The following CDH2 variants were observed in gnomAD, a reference collection of about 807,000 sequenced individuals.
CDH2 encodes cadherin-2.
Under a neutral mutation model 92.0 loss-of-function variants are expected in CDH2, and 17 were observed. The ratio of observed to expected loss-of-function variants is 0.18; its 90% CI spans 0.13 to 0.28. CDH2 has a LOEUF of 0.28. Ranked by LOEUF, CDH2 falls within the 10% of genes least tolerant of loss-of-function variation. The pLI is 1.00. For missense variants in CDH2, 862 were observed against 1,133.1 expected (o/e 0.76, Z 3.44); for synonymous variants, 419 against 415.9 (o/e 1.01, Z -0.09).
chr18:28,034,013 ACTTTT>A lies in CDH2; in HGVS notation c.173-20109_173-20105del, dbSNP rs1262515027. Among the ~76,000 whole-genome samples the A allele has an allele frequency of 1.5e-4, 23 of 152,106 alleles. 1 individual carries two copies. The highest frequency in any genetic ancestry group is 5.1e-4 in the African/African-American group (21 of 41,450). ...ACTCTCGATTAGTCTGATATACTAT[ACTTTT>A]CTTTAAATTGGAAGAAATTACATTG... On this transcript the variant is annotated intron_variant, in intron 2 of 15. Coordinates refer to ENST00000269141, the MANE Select transcript of CDH2 (RefSeq NM_001792.5).
chr18:28,063,677 C>T (rs771511758), intron 2 of CDH2, among the ~76,000 whole-genome samples: 37 of 152,166 alleles, frequency 2.4e-4, no homozygotes, highest in African/African-American at 8.2e-4. Context: ...AGTTTGAACC[C>T]GGTAATGATC....
chr18:28,013,563 GT>G, intron 3 of CDH2, 119 bp downstream of exon 3: 2 of 722,546 alleles, frequency 2.8e-6, no homozygotes, highest in Non-Finnish European at 4.9e-6. Flanking sequence ...AATGACCAAA[GT>G]TGATACAAAT....
intron 2 of CDH2, among the ~76,000 whole-genome samples, chr18:28,092,012 G>A (rs1419716919): frequency 6.6e-6 from 1 of 151,732 alleles, no homozygotes; most frequent in Non-Finnish European, 1.5e-5. Context: ...TCTTTCCTCT[G>A]GGTATGCCTG....
intron 2 of CDH2, among the ~76,000 whole-genome samples, chr18:28,129,724 G>A (rs956109528): frequency 6.6e-6 from 1 of 152,126 alleles, no homozygotes; most frequent in African/African-American, 2.4e-5. Flanking sequence ...AGCTACTCAG[G>A]AGGCTGAGGC....
chr18:27,955,895 A>C (rs960356774), intron 15 of CDH2, among the ~76,000 whole-genome samples: 1 of 151,904 alleles, frequency 6.6e-6, no homozygotes, highest in South Asian at 2.1e-4. Flanking sequence ...GAACTTTTCA[A>C]GAGTTCTTAG....
At chr18:28,001,979 C>T (rs1369497227) in intron 7 of CDH2, among the ~76,000 whole-genome samples, 1 of 152,214 alleles carries the variant, frequency 6.6e-6, no homozygotes, top group Non-Finnish European at 1.5e-5. Flanking sequence ...ACAGTAAAAG[C>T]TGGCTCAGCC....
chr18:28,036,582 G>A, intron 2 of CDH2: 1 of 1,492,890 alleles, frequency 6.7e-7, no homozygotes, highest in Non-Finnish European at 9.3e-7. Context: ...AATTCCTTCT[G>A]CTTAGTGAAC....
chr18:28,152,011 CTTT>C (rs984588111), intron 1 of CDH2, among the ~76,000 whole-genome samples: 3 of 151,396 alleles, frequency 2.0e-5, no homozygotes, highest in Non-Finnish European at 4.4e-5. Context: ...TATTCTTCTT[CTTT>C]TTCTTGCTTA....
At chr18:28,041,028 T>C (rs952827554) in intron 2 of CDH2, among the ~76,000 whole-genome samples, 6 of 152,236 alleles carry the variant, frequency 3.9e-5, no homozygotes, top group Non-Finnish European at 7.3e-5. Flanking sequence ...AACATCACTC[T>C]GTGATTCCAA....
intron 5 of CDH2, among the ~76,000 whole-genome samples, chr18:28,007,917 A>G (rs1279786362): frequency 6.6e-6 from 1 of 152,046 alleles, no homozygotes; most frequent in Non-Finnish European, 1.5e-5. Context: ...TATTTTTAGT[A>G]TAGACAGGGT....
chr18:28,042,511 A>G (rs184739873), intron 2 of CDH2, among the ~76,000 whole-genome samples: 178 of 152,298 alleles, frequency 1.2e-3, no homozygotes, highest in African/African-American at 4.0e-3. Context: ...GAAAACAAGG[A>G]GACAAGTTGT....
At chr18:27,956,268 C>T (rs186707139) in intron 15 of CDH2, among the ~76,000 whole-genome samples, 53 of 152,282 alleles carry the variant, frequency 3.5e-4, no homozygotes, top group Non-Finnish European at 6.3e-4. Flanking sequence ...TCCTCTTGTT[C>T]CACCTTTCCT....
chr18:28,060,406 C>T (rs901453310), intron 2 of CDH2, among the ~76,000 whole-genome samples: 4 of 152,236 alleles, frequency 2.6e-5, no homozygotes, highest in Middle Eastern at 3.4e-3. Context: ...AGGCTGGTCT[C>T]GAGCTCCTGA....
At chr18:27,954,954 C>T (rs945041311) in intron 15 of CDH2, among the ~76,000 whole-genome samples, 14 of 152,214 alleles carry the variant, frequency 9.2e-5, no homozygotes, top group African/African-American at 3.4e-4. Context: ...CATTGTCTGA[C>T]TTGGGGTCAT....
intron 1 of CDH2, among the ~76,000 whole-genome samples, chr18:28,170,744 C>T (rs1272894477): frequency 6.6e-6 from 1 of 152,184 alleles, no homozygotes; most frequent in Non-Finnish European, 1.5e-5. Context: ...TTGTTCCCTA[C>T]AGCAGGGGTT....
At chr18:28,013,544 T>C (rs1323043554) in intron 3 of CDH2, 139 bp downstream of exon 3, 1 of 671,252 alleles carries the variant, frequency 1.5e-6, no homozygotes, top group East Asian at 2.5e-5. Context: ...CACAACAAAA[T>C]ATTATTAAAA....
chr18:28,039,165 C>G (rs971264663), intron 2 of CDH2, among the ~76,000 whole-genome samples: 1 of 152,144 alleles, frequency 6.6e-6, no homozygotes, highest in East Asian at 1.9e-4. Context: ...TCATTTCTCT[C>G]CTTTCCACAG....
chr18:27,977,074 T>C (rs1462172776), intron 14 of CDH2, among the ~76,000 whole-genome samples: 1 of 152,136 alleles, frequency 6.6e-6, no homozygotes, highest in Non-Finnish European at 1.5e-5. Context: ...ATGAGGGTAA[T>C]TAAACATGCC....
At chr18:28,083,069 G>T (rs978596343) in intron 2 of CDH2, among the ~76,000 whole-genome samples, 1 of 152,172 alleles carries the variant, frequency 6.6e-6, no homozygotes, top group Non-Finnish European at 1.5e-5. Flanking sequence ...CTTCCTAGGG[G>T]AGAGACTTGG....
Sources: allele counts gnomAD v4.1 joint callset (sites outside exome capture counted in the v4.1 genomes callset), GRCh38; gene constraint gnomAD v4.1.1; transcripts MANE v1.5; gene names NCBI Gene and HGNC (gene_info 2026-07-23, HGNC 2026-07-21).